Variants in SPG21 observed in about 807,000 individuals in gnomAD.
SPG21 encodes SPG21 abhydrolase domain containing, maspardin, also known as maspardin.
A neutral mutation model predicts 38.9 loss-of-function variants in SPG21; 26 were observed. The ratio of observed to expected loss-of-function variants is 0.67; its 90% confidence interval spans 0.49 to 0.93. The LOEUF (loss-of-function observed/expected upper bound fraction) is 0.93, where lower values mean the gene tolerates loss of function less well. Ranked by LOEUF, SPG21 falls within the 40% of genes least tolerant of loss-of-function variation. The pLI, the probability that SPG21 is intolerant of heterozygous loss-of-function variation, is 0.00. For synonymous variants in SPG21, 136 were observed against 128.9 expected (o/e 1.05, Z -0.37); for missense variants, 333 against 376.5 (o/e 0.88, Z 0.96).
chr15:64,970,239 C>T lies in SPG21; in HGVS notation c.453-17G>A. 1 of 1,592,046 alleles carries T rather than the reference C, an allele frequency of 6.3e-7. No individual in the cohort carries two copies. Among genetic ancestry groups the T allele is most frequent in the Admixed American group, 1.7e-5 (1 of 59,968 alleles). On this transcript the variant is annotated splice_polypyrimidine_tract_variant and intron_variant, in intron 5 of 8. Coordinates refer to ENST00000204566, the MANE Select transcript of SPG21 (RefSeq NM_016630.7). ...AGCCAAAAGCTGTAAAACACAAAGA[C>T]CTTATAATTTAAACTTCCAAGACTA...
intron 7 of SPG21, among the ~76,000 whole-genome samples, chr15:64,967,484 C>G (rs117540188): frequency 1.7e-5 from 2 of 117,086 alleles, no homozygotes; most frequent in Non-Finnish European, 3.7e-5. Context: ...TTTTTTTTTT[C>G]TTTTTTTTGA....
chr15:64,969,448 A>G, intron 6 of SPG21, 86 bp from the exon 7 acceptor site: 1 of 1,005,106 alleles, frequency 9.9e-7, no homozygotes, highest in Non-Finnish European at 1.6e-6. Flanking sequence ...TTGTGCTTAT[A>G]AAGGTGGTAT....
intron 8 of SPG21, among the ~76,000 whole-genome samples, chr15:64,964,818 G>A (rs2085512429): frequency 6.6e-6 from 1 of 152,048 alleles, no homozygotes; most frequent in South Asian, 2.1e-4. Flanking sequence ...ATTTTTAGTA[G>A]AGACGGTTTC....
At chr15:64,981,718 G>C (rs2085890372) in intron 2 of SPG21, 1 of 151,166 alleles carries the variant, frequency 6.6e-6, no homozygotes, top group Non-Finnish European at 1.5e-5. Flanking sequence ...CAAGTGCTCA[G>C]CAGAGTCTGG....
intron 3 of SPG21, among the ~76,000 whole-genome samples, chr15:64,979,708 A>G (rs2085847758): frequency 6.6e-6 from 1 of 152,076 alleles, no homozygotes; most frequent in African/African-American, 2.4e-5. Context: ...TAAACAGTAA[A>G]TAAAACGTAC....
At chr15:64,981,969 C>A (rs1179699883) in intron 2 of SPG21, among the ~76,000 whole-genome samples, 11 of 152,096 alleles carry the variant, frequency 7.2e-5, no homozygotes, top group African/African-American at 2.7e-4. Flanking sequence ...TGGGTGGCAG[C>A]ACACTAACCA....
At chr15:64,979,676 G>A (rs993981321) in intron 3 of SPG21, among the ~76,000 whole-genome samples, 9 of 151,982 alleles carry the variant, frequency 5.9e-5, no homozygotes, top group South Asian at 2.1e-4. Flanking sequence ...AAGGAGAGAC[G>A]TGACCTGCCT....
Position 64,970,185 on chromosome 15 carries a change from C to A in SPG21, c.490G>T (p.Val164Phe). 6.2e-7 allele frequency: 1 copy of A among 1,614,118 alleles called. No homozygotes were observed. Among genetic ancestry groups the A allele is most frequent in the Non-Finnish European group, 8.5e-7 (1 of 1,180,012 alleles). Residue 164 changes from valine (V) to phenylalanine (F), a missense_variant, in exon 6 of 9, where the codon GTT becomes TTT. Transcript: ENST00000204566. ...LMPAFMLKKI[V>F]LGNFSSGPVD... is the part of the protein sequence containing the mutation. Reference sequence around the variant, plus strand: ...GGGCCAGATGAAAAATTTCCAAGAACTATTTTTTTGAGCATAAATGCAGGC... The same window carrying A: ...GGGCCAGATGAAAAATTTCCAAGAAATATTTTTTTGAGCATAAATGCAGGC...
At chr15:64,968,340 C>CAAAA (rs11305475) in intron 7 of SPG21, among the ~76,000 whole-genome samples, 10 of 109,584 alleles carry the variant, frequency 9.1e-5, no homozygotes, top group Non-Finnish European at 1.2e-4. Context: ...ACCCTGTTTC[C>CAAAA]AAAAAAAAAA....
chr15:64,971,922 T>C (rs954986615), intron 5 of SPG21, among the ~76,000 whole-genome samples: 4 of 152,200 alleles, frequency 2.6e-5, no homozygotes, highest in African/African-American at 9.7e-5. Flanking sequence ...TGCTCTTACC[T>C]CTGCCTCCCA....
chr15:64,969,163 G>A, intron 7 of SPG21, 92 bp downstream of exon 7: 4 of 884,756 alleles, frequency 4.5e-6, no homozygotes, highest in Non-Finnish European at 7.5e-6. Flanking sequence ...ATTTGAAGAG[G>A]TACATTGAAA....
intron 3 of SPG21, among the ~76,000 whole-genome samples, chr15:64,979,465 C>T (rs979859296): frequency 2.0e-5 from 3 of 152,122 alleles, no homozygotes; most frequent in Non-Finnish European, 2.9e-5. Flanking sequence ...GTTGCAGAGG[C>T]TCAAACATGT....
rs56021738 is a variant in SPG21, at chr15:64,980,562, C to T, written c.225+302G>A. On this transcript the variant is annotated intron_variant, in intron 3 of 8. Transcript: ENST00000204566. ...GACCAGCCTGGCCAACACGGCGAAA[C>T]CCCGTCTCTACTAAAAATACAAAAA... Among the ~76,000 whole-genome samples, 2,526 of 152,110 alleles carry T rather than the reference C, an allele frequency of 0.017. 29 individuals carry two copies. Among genetic ancestry groups the T allele is most frequent in the Admixed American group, 0.024 (360 of 15,246 alleles).
chr15:64,979,153 T>A (rs1417616356), intron 3 of SPG21, among the ~76,000 whole-genome samples: 1 of 152,182 alleles, frequency 6.6e-6, no homozygotes, highest in Admixed American at 6.5e-5. Flanking sequence ...CTCCTCCTAA[T>A]GAAACAGGGA....
At chr15:64,968,219 G>GGGA (rs1294609827) in intron 7 of SPG21, among the ~76,000 whole-genome samples, 1 of 151,686 alleles carries the variant, frequency 6.6e-6, no homozygotes, top group African/African-American at 2.4e-5. Flanking sequence ...GTGAGCCTGT[G>GGGA]GTCCAAGCTA....
At position 64,981,289 on chromosome 15, in the gene SPG21, C is replaced by CT. The variant is rs34703670; in HGVS notation, c.64-265dup. On this transcript the variant is annotated intron_variant, in intron 2 of 8. Coordinates refer to ENST00000204566, the MANE Select transcript of SPG21 (RefSeq NM_016630.7). ...GCTTCTCTGTTTCTTCCCCCTCCTC[C>CT]TTTTTTTTTTTTTTTTTTGAGACAG... 73,022 of 279,766 alleles carry CT rather than the reference C, an allele frequency of 0.26. 7,601 individuals are homozygous for CT. The highest frequency in any genetic ancestry group is 0.3 in the Middle Eastern group (226 of 762). The allele number at this position is 279,766 out of a possible 1,614,324, so 17.3% of individuals were successfully genotyped here. A position where few individuals can be genotyped will look rare whatever the true frequency, so the allele number is the denominator to read the frequency against.
At chr15:64,978,928 G>A (rs1484980243) in intron 3 of SPG21, among the ~76,000 whole-genome samples, 1 of 152,194 alleles carries the variant, frequency 6.6e-6, no homozygotes, top group Non-Finnish European at 1.5e-5. Context: ...GGGGAAATGT[G>A]TAAAAGGTAT....
intron 3 of SPG21, among the ~76,000 whole-genome samples, chr15:64,977,673 C>CGCGCCTGGCCAAGA: frequency 6.6e-6 from 1 of 152,092 alleles, no homozygotes; most frequent in East Asian, 1.9e-4. Flanking sequence ...TGTGAGCCAC[C>CGCGCCTGGCCAAGA]ATGCCAGGCT....
intron 1 of SPG21, among the ~76,000 whole-genome samples, chr15:64,986,192 CCT>C (rs1016841140): frequency 2.0e-5 from 3 of 149,704 alleles, no homozygotes; most frequent in Non-Finnish European, 4.4e-5. Flanking sequence ...GTAGTGAAAC[CCT>C]GTCTCTACTA....
Sources: gnomAD v4.1 joint callset for allele counts (sites outside exome capture counted in the v4.1 genomes callset) on GRCh38, gnomAD v4.1.1 for gene constraint, MANE v1.5 for transcripts, NCBI Gene and HGNC (gene_info 2026-07-23, HGNC 2026-07-21) for gene names.